The following SYN2 variants were observed in gnomAD, a reference collection of about 807,000 sequenced individuals.
SYN2 encodes synapsin-2.
A neutral mutation model predicts 50.9 loss-of-function variants in SYN2; 19 were observed. The observed-to-expected ratio is 0.37, with a 90% CI of 0.26 to 0.55. The LOEUF (loss-of-function observed/expected upper bound fraction) is 0.55, where lower values mean the gene tolerates loss of function less well. Ranked by LOEUF, SYN2 falls within the 20% of genes least tolerant of loss-of-function variation. SYN2 has a pLI of 0.81. For missense variants in SYN2, 587 were observed against 576.4 expected (o/e 1.02, Z -0.19); for synonymous variants, 255 against 224.9 (o/e 1.13, Z -1.20).
chr3:12,152,680 AAGGGGGATTTC>A (rs1463798594), intron 5 of SYN2, among the ~76,000 whole-genome samples: 1 of 152,154 alleles, frequency 6.6e-6, no homozygotes, highest in Non-Finnish European at 1.5e-5. Context: ...AAAGCCAACA[AAGGGGGATTTC>A]AGCTCTGTAA....
chr3:12,147,188 GGTGT>G (rs149944209), intron 4 of SYN2, among the ~76,000 whole-genome samples: 15 of 151,278 alleles, frequency 9.9e-5, no homozygotes, highest in Non-Finnish European at 1.6e-4. Context: ...GCTGAAGAGG[GGTGT>G]GTGTGTGTGT....
At chr3:12,083,060 G>T (rs937276433) in intron 1 of SYN2, among the ~76,000 whole-genome samples, 10 of 152,060 alleles carry the variant, frequency 6.6e-5, no homozygotes, top group African/African-American at 2.4e-4. Flanking sequence ...TGCCCAGACT[G>T]GAGTGCACTG....
chr3:12,043,060 A>G (rs1244566042), intron 1 of SYN2, among the ~76,000 whole-genome samples: 2 of 149,196 alleles, frequency 1.3e-5, no homozygotes, highest in Non-Finnish European at 3.0e-5. Context: ...TCTTGCTCTG[A>G]CACCCAGGCT....
At position 12,148,765 on chromosome 3, in the gene SYN2, G is replaced by A. The variant is rs182906718; in HGVS notation, c.685-2472G>A. On this transcript the variant is annotated intron_variant, in intron 4 of 12. Coordinates refer to ENST00000621198, the MANE Select transcript of SYN2 (RefSeq NM_133625.6). ...ATCATTTAATTTCCAGGAGTGATAG[G>A]CATAGGGACACATTACTCAAATGGA... The A allele has an allele frequency of 3.3e-5, 5 of 152,280 alleles. No individual in the cohort carries two copies. In the East Asian group the frequency reaches 9.7e-4, roughly 29 times the overall value. The allele number at this position is 152,280 out of a possible 1,614,324, so 9.4% of individuals were successfully genotyped here. A position where few individuals can be genotyped will look rare whatever the true frequency, so the allele number is the denominator to read the frequency against.
intron 1 of SYN2, among the ~76,000 whole-genome samples, chr3:12,067,588 C>T (rs1695241250): frequency 6.8e-6 from 1 of 147,284 alleles, no homozygotes; most frequent in Non-Finnish European, 1.5e-5. Flanking sequence ...CTGCATATTA[C>T]AAGCTCCAGA....
intron 10 of SYN2, among the ~76,000 whole-genome samples, chr3:12,178,363 C>T (rs1559456267): frequency 1.3e-5 from 2 of 152,192 alleles, no homozygotes; most frequent in African/African-American, 4.8e-5. Flanking sequence ...CCTCAGCTTT[C>T]CATCCTGCTG....
intron 1 of SYN2, among the ~76,000 whole-genome samples, chr3:12,091,901 A>G (rs987807841): frequency 2.0e-5 from 3 of 152,208 alleles, no homozygotes; most frequent in African/African-American, 4.8e-5. Flanking sequence ...TGCAAAATGA[A>G]TGTTAAATCT....
At chr3:12,186,734 A>G (rs1042454851) in intron 11 of SYN2, among the ~76,000 whole-genome samples, 1 of 152,212 alleles carries the variant, frequency 6.6e-6, no homozygotes, top group African/African-American at 2.4e-5. Flanking sequence ...GCAGCTCCAT[A>G]AAACAGCATA....
chr3:12,089,006 C>A (rs1695770679), intron 1 of SYN2, among the ~76,000 whole-genome samples: 1 of 151,964 alleles, frequency 6.6e-6, no homozygotes. Flanking sequence ...CTCAAAATTG[C>A]TAAAAGAATA....
rs868668870 is a variant in SYN2, at chr3:12,004,563, C to A, written c.12C>A (p.Phe4Leu). The change falls in exon 1 of 13, where the codon TTC becomes TTA. Residue 4 changes from phenylalanine (F) to leucine (L), a missense_variant. Transcript: ENST00000621198. MMNFLRRRLSDSSF... is the reference protein window; with the variant it reads MMNLLRRRLSDSSF... ...GCCCTTTAAGCCAGATGATGAACTTCCTGCGGCGCCGGCTGTCGGACAGCA... is the reference window on the plus strand; with the variant it reads ...GCCCTTTAAGCCAGATGATGAACTTACTGCGGCGCCGGCTGTCGGACAGCA... 1.5e-6 allele frequency: 1 copy of A among 669,764 alleles called. No individual in the cohort carries two copies. The highest frequency in any genetic ancestry group is 3.1e-5 in the East Asian group (1 of 31,966). 41.5% of individuals were successfully genotyped at this position (669,764 alleles called of 1,614,324 possible). A position where few individuals can be genotyped will look rare whatever the true frequency, so the allele number is the denominator to read the frequency against.
At chr3:12,138,111 A>G (rs374903864) in intron 1 of SYN2, among the ~76,000 whole-genome samples, 5 of 152,062 alleles carry the variant, frequency 3.3e-5, no homozygotes, top group South Asian at 2.1e-4. Flanking sequence ...AAGTTACACA[A>G]TTTTTCATGA....
chr3:12,144,257 C>G (rs1190484643), intron 3 of SYN2, among the ~76,000 whole-genome samples: 1 of 152,176 alleles, frequency 6.6e-6, no homozygotes, highest in South Asian at 2.1e-4. Flanking sequence ...TCAGGGCTTC[C>G]TGTAGCCATT....
At chr3:12,130,131 A>AGT (rs144774071) in intron 1 of SYN2, among the ~76,000 whole-genome samples, 1,975 of 150,450 alleles carry the variant, frequency 0.013, 20 homozygotes, top group Middle Eastern at 0.027. Flanking sequence ...TAGCAGCCCA[A>AGT]GTGTGTGTGT....
chr3:12,125,842 GAA>G (rs5846749), intron 1 of SYN2, among the ~76,000 whole-genome samples: 18,738 of 137,948 alleles, frequency 0.14, 1,588 homozygotes, highest in Middle Eastern at 0.19. Context: ...GTCTAAAAGT[GAA>G]AAAAAAAAAA....
Position 12,191,200 on chromosome 3 carries a change from G to A in SYN2, c.*575G>A, listed in dbSNP as rs997708499. On this transcript the variant is annotated 3_prime_UTR_variant, in exon 13 of 13. Transcript: ENST00000621198. ...GGTGGTGAAGCACCTTGAGTCTGCT[G>A]ATATTCGGGAGAACAAGGATCTGCA... 2 of 984,202 alleles carry A rather than the reference G, an allele frequency of 2.0e-6. No homozygotes were observed. The highest frequency in any genetic ancestry group is 3.5e-5 in the African/African-American group (2 of 57,192). 61.0% of individuals were successfully genotyped at this position (984,202 alleles called of 1,614,324 possible). A position where few individuals can be genotyped will look rare whatever the true frequency, so the allele number is the denominator to read the frequency against.
At chr3:12,173,444 T>C (rs2125246568) in intron 10 of SYN2, among the ~76,000 whole-genome samples, 1 of 152,318 alleles carries the variant, frequency 6.6e-6, no homozygotes, top group Middle Eastern at 3.4e-3. Context: ...GTGACCTAGA[T>C]TCCATCTCCT....
chr3:12,151,932 G>A (rs981684337), intron 5 of SYN2, among the ~76,000 whole-genome samples: 2 of 152,174 alleles, frequency 1.3e-5, no homozygotes, highest in African/African-American at 4.8e-5. Context: ...GAGATGGGAC[G>A]GTTGGTTGGT....
chr3:12,169,959 T>C, intron 10 of SYN2, 53 bp downstream of exon 10: 1 of 1,541,886 alleles, frequency 6.5e-7, no homozygotes, highest in South Asian at 1.2e-5. Flanking sequence ...CCAAGCCCAC[T>C]CCTCTAGATG....
chr3:12,061,530 T>G (rs529016181), intron 1 of SYN2, among the ~76,000 whole-genome samples: 1 of 152,174 alleles, frequency 6.6e-6, no homozygotes, highest in South Asian at 2.1e-4. Flanking sequence ...GTCAACATCA[T>G]ATTGGATAAC....
Sources: gnomAD v4.1 joint callset for allele counts (sites outside exome capture counted in the v4.1 genomes callset) on GRCh38, gnomAD v4.1.1 for gene constraint, MANE v1.5 for transcripts, NCBI Gene and HGNC (gene_info 2026-07-23, HGNC 2026-07-21) for gene names.